Variants in SP100 observed in about 807,000 individuals in gnomAD.
The protein encoded by SP100 is SP100 nuclear body protein.
SP100 carries 84 observed loss-of-function variants against 130.0 expected under a neutral mutation model. That is an observed-to-expected ratio of 0.65 (90% CI 0.54 to 0.77). The LOEUF is 0.77. SP100 is among the 30% of genes least tolerant of loss of function. SP100 has a pLI of 0.00. For synonymous variants in SP100, 331 were observed against 351.7 expected (o/e 0.94, Z 0.66); for missense variants, 978 against 1,052.2 (o/e 0.93, Z 0.97).
At chr2:230,489,057 A>T (rs2150034461) in intron 17 of SP100, among the ~76,000 whole-genome samples, 1 of 151,972 alleles carries the variant, frequency 6.6e-6, no homozygotes, top group South Asian at 2.1e-4. Context: ...GGGAGGAGTC[A>T]CTCCTTTTCA....
Position 230,478,419 on chromosome 2 carries a change from C to T in SP100, c.1600+3972C>T, listed in dbSNP as rs149553225. On this transcript the variant is annotated intron_variant, in intron 17 of 28. Coordinates refer to ENST00000340126, the MANE Select transcript of SP100 (RefSeq NM_001080391.2). ...CTATTTTGTGGGATTATTACAAGACCTCTTCAAATAGCTCTCCTAAGGACA... is the reference window on the plus strand; with the variant it reads ...CTATTTTGTGGGATTATTACAAGACTTCTTCAAATAGCTCTCCTAAGGACA... Among the ~76,000 whole-genome samples, 57 of 152,244 alleles carry T rather than the reference C, an allele frequency of 3.7e-4. No individual in the cohort carries two copies. In the East Asian group the frequency reaches 0.01, roughly 27 times the overall value.
intron 2 of SP100, among the ~76,000 whole-genome samples, chr2:230,438,261 A>T (rs558891526): frequency 1.3e-5 from 2 of 151,778 alleles, no homozygotes; most frequent in Non-Finnish European, 2.9e-5. Context: ...ATAATTTTTC[A>T]TACTTTTTCC....
rs2065430016 is a variant in SP100, at chr2:230,474,422, T to C, written c.1575T>C (p.Thr525=). 9 of 1,536,064 alleles carry C rather than the reference T, an allele frequency of 5.9e-6. No individual in the cohort carries two copies. The East Asian group carries it at 6.8e-5, about 12-fold the overall frequency. The change falls in exon 17 of 29, where the codon ACT becomes ACC. Residue 525 remains threonine (T), a synonymous_variant. Transcript: ENST00000340126. ...MDTMDVENNS[T]LEKHSGKRRK... ...CCATGGATGTTGAAAACAATTCTACTTTGGAAAAACACAGTGGGAAAAGAA... is the reference window on the plus strand; with the variant it reads ...CCATGGATGTTGAAAACAATTCTACCTTGGAAAAACACAGTGGGAAAAGAA...
chr2:230,508,314 T>TAA (rs1690282692), intron 23 of SP100: 1 of 317,814 alleles, frequency 3.1e-6, no homozygotes, highest in South Asian at 5.1e-5. Flanking sequence ...TGCCATACTT[T>TAA]TTTTTTTTTT....
At chr2:230,469,948 A>C in intron 14 of SP100, 67 bp from the exon 15 acceptor site, 1 of 1,546,128 alleles carries the variant, frequency 6.5e-7, no homozygotes, top group Non-Finnish European at 8.7e-7. Flanking sequence ...TTTTGCTTTT[A>C]AAGAATTCCC....
intron 2 of SP100, among the ~76,000 whole-genome samples, chr2:230,418,053 G>A (rs1053468720): frequency 6.6e-6 from 1 of 152,232 alleles, no homozygotes; most frequent in Non-Finnish European, 1.5e-5. Flanking sequence ...TGTTAAGGTG[G>A]CAGATTCGCT....
chr2:230,526,332 G>C (rs957897458), intron 24 of SP100, among the ~76,000 whole-genome samples: 1 of 152,204 alleles, frequency 6.6e-6, no homozygotes, highest in Non-Finnish European at 1.5e-5. Flanking sequence ...CTGACTGTTA[G>C]AAGGAAAACT....
chr2:230,417,689 T>G, intron 2 of SP100, 24 bp downstream of exon 2: 1 of 1,599,694 alleles, frequency 6.3e-7, no homozygotes, highest in Non-Finnish European at 8.5e-7. Context: ...AGTTATGTCT[T>G]GTTTTAATTT....
At chr2:230,523,772 G>A (rs1691284113) in intron 24 of SP100, among the ~76,000 whole-genome samples, 1 of 151,922 alleles carries the variant, frequency 6.6e-6, no homozygotes, top group African/African-American at 2.4e-5. Context: ...AGCTAGGCAT[G>A]GTGGCGGGTG....
chr2:230,528,599 G>A (rs1317238275), intron 24 of SP100, among the ~76,000 whole-genome samples: 4 of 152,138 alleles, frequency 2.6e-5, no homozygotes, highest in Non-Finnish European at 5.9e-5. Context: ...GAAGGAGATA[G>A]AGACACAAAA....
At chr2:230,512,699 T>C (rs1429945271) in intron 24 of SP100, among the ~76,000 whole-genome samples, 1 of 152,124 alleles carries the variant, frequency 6.6e-6, no homozygotes, top group Non-Finnish European at 1.5e-5. Context: ...CAGGATGATT[T>C]TGGGATGTTT....
In SP100 at chr2:230,449,605, A is replaced by G; in HGVS notation, c.631A>G (p.Thr211Ala). 1.9e-6 allele frequency: 3 copies of G among 1,614,160 alleles called. No individual in the cohort carries two copies. The highest frequency in any genetic ancestry group is 2.5e-6 in the Non-Finnish European group (3 of 1,180,002). Residue 211 changes from threonine (T) to alanine (A), a missense_variant, in exon 7 of 29, where the codon ACA becomes GCA. Physicochemically the swap from Thr to Ala is moderately conservative, Grantham distance 58. Coordinates refer to ENST00000340126, the MANE Select transcript of SP100 (RefSeq NM_001080391.2). ...TGGACTCTCAGAGCACCCCTGTGAAACAGAACAGATAAATGCAAAGAGAAA... is the reference window on the plus strand; with the variant it reads ...TGGACTCTCAGAGCACCCCTGTGAAGCAGAACAGATAAATGCAAAGAGAAA... ...ENGLSEHPCETEQINAKRKDT... is the reference protein window; with the variant it reads ...ENGLSEHPCEAEQINAKRKDT...
intron 24 of SP100, among the ~76,000 whole-genome samples, chr2:230,526,612 T>C (rs143672306): frequency 7.2e-5 from 11 of 152,176 alleles, no homozygotes; most frequent in African/African-American, 2.2e-4. Context: ...ATAGCAAACT[T>C]CTCCGAGCTA....
Position 230,450,195 on chromosome 2 carries a change from C to G in SP100, c.760C>G (p.Gln254Glu). 1 of 1,613,684 alleles carries G rather than the reference C, an allele frequency of 6.2e-7. No homozygotes were observed. The highest frequency in any genetic ancestry group is 8.5e-7 in the Non-Finnish European group (1 of 1,179,712). The change falls in exon 8 of 29, where the codon CAA becomes GAA. Residue 254 changes from glutamine (Q) to glutamate (E), a missense_variant. Transcript: ENST00000340126. ...PTESCEQIAV[Q>E]VNNGDAGREM... Reference sequence around the variant, plus strand: ...AGAGTCCTGCGAACAAATTGCTGTCCAAGTGAATAATGGGGATGCTGGAAG... The same window carrying G: ...AGAGTCCTGCGAACAAATTGCTGTCGAAGTGAATAATGGGGATGCTGGAAG...
chr2:230,427,639 T>G (rs1368849010), intron 2 of SP100, among the ~76,000 whole-genome samples: 1 of 152,228 alleles, frequency 6.6e-6, no homozygotes, highest in Non-Finnish European at 1.5e-5. Flanking sequence ...TTTCTTTCTT[T>G]TTTTCTTGTT....
At chr2:230,460,619 T>C (rs1179292967) in intron 8 of SP100, among the ~76,000 whole-genome samples, 1 of 19,492 alleles carries the variant, frequency 5.1e-5, no homozygotes, top group Non-Finnish European at 1.1e-4. Flanking sequence ...TTTTTTTTTT[T>C]TTTTTTTTTT....
chr2:230,539,311 G>A lies in SP100; in HGVS notation c.2139G>A (p.Arg713=). The A allele has an allele frequency of 1.9e-6, 3 of 1,613,972 alleles. No individual in the cohort carries two copies. Among genetic ancestry groups the A allele is most frequent in the Non-Finnish European group, 2.5e-6 (3 of 1,179,898 alleles). ...NICEVCNKWG[R]LFCCDTCPRS... ...GTGAGGTGTGCAACAAATGGGGACG[G>A]CTGTTCTGCTGCGACACTTGTCCAA... is the stretch of plus-strand genomic sequence containing the variant. Residue 713 remains arginine, a synonymous_variant, in exon 25 of 29, where the codon CGG becomes CGA. Coordinates refer to ENST00000340126, the MANE Select transcript of SP100 (RefSeq NM_001080391.2).
chr2:230,446,973 A>T (rs770569914), intron 5 of SP100, 71 bp downstream of exon 5: 6 of 889,752 alleles, frequency 6.7e-6, no homozygotes, highest in Admixed American at 2.2e-5. Flanking sequence ...GGAGATTGTG[A>T]ATCAGGGAAG....
chr2:230,421,577 T>C (rs2062771642), intron 2 of SP100, among the ~76,000 whole-genome samples: 1 of 151,430 alleles, frequency 6.6e-6, no homozygotes, highest in South Asian at 2.1e-4. Context: ...ATATAAATTG[T>C]ACATGTCTGG....
Sources: allele counts gnomAD v4.1 joint callset (sites outside exome capture counted in the v4.1 genomes callset), GRCh38; gene constraint gnomAD v4.1.1; transcripts MANE v1.5; gene names NCBI Gene and HGNC (gene_info 2026-07-23, HGNC 2026-07-21).